FBXW11: variants seen among roughly 807,000 people sequenced by gnomAD.
FBXW11 encodes F-box/WD repeat-containing protein 11.
Under a neutral mutation model 77.6 loss-of-function variants are expected in FBXW11, and 19 were observed. The observed-to-expected ratio is 0.24, with a 90% confidence interval of 0.17 to 0.36. FBXW11 has a LOEUF of 0.36. Among genes scored for constraint, FBXW11 ranks in the 10% least tolerant of loss-of-function variants. The pLI is 1.00. For synonymous variants in FBXW11, 235 were observed against 249.4 expected, an observed-to-expected ratio of 0.94 and a Z score of 0.54; for missense variants, 334 against 704.2, an observed-to-expected ratio of 0.47 and a Z score of 5.95.
At chr5:171,932,155 G>A (rs985993514) in intron 2 of FBXW11, among the ~76,000 whole-genome samples, 68 of 152,012 alleles carry the variant, frequency 4.5e-4, no homozygotes, top group African/African-American at 1.6e-3. Flanking sequence ...GATTATAGGT[G>A]TGAGCCACCA....
Position 171,952,422 on chromosome 5 carries a change from C to CATATATATATATATAT in FBXW11, c.147+5159_147+5174dup, listed in dbSNP as rs1198809796. 6.2e-3 allele frequency among the ~76,000 whole-genome samples: 90 copies of CATATATATATATATAT among 14,598 alleles called. 9 individuals carry two copies. Among genetic ancestry groups the CATATATATATATATAT allele is most frequent in the East Asian group, 9.9e-3 (2 of 202 alleles). 9.6% of individuals were successfully genotyped at this position (14,598 alleles called of 152,430 possible). On this transcript the variant is annotated intron_variant, in intron 2 of 13. Coordinates refer to ENST00000517395, the MANE Select transcript of FBXW11 (RefSeq NM_001378974.1). ...TGTGTGTGTGTGTTGTGTGTACATA[C>CATATATATATATATAT]ATATATATATATATATATATATATA...
chr5:171,936,550 A>T (rs1011169151), intron 2 of FBXW11, among the ~76,000 whole-genome samples: 2 of 151,890 alleles, frequency 1.3e-5, no homozygotes, highest in Non-Finnish European at 2.9e-5. Flanking sequence ...TTATAATTAA[A>T]ACTAACAAAA....
In FBXW11 at chr5:172,006,548, C is replaced by T. The variant is rs775138414; in HGVS notation, c.-46G>A. On this transcript the variant is annotated 5_prime_UTR_variant, in exon 1 of 14. Coordinates refer to ENST00000517395, the MANE Select transcript of FBXW11 (RefSeq NM_001378974.1). The stretch of plus-strand genomic sequence containing the variant: ...CTCGCTCTCCCCGCGCAGCAGCGAA[C>T]GGCCCGGGCGGAGGAGGCGACGGCG... 4.8e-6 allele frequency: 7 copies of T among 1,470,374 alleles called. No individual in the cohort carries two copies. Among genetic ancestry groups the T allele is most frequent in the Non-Finnish European group, 6.3e-6 (7 of 1,107,904 alleles). 91.1% of individuals were successfully genotyped at this position (1,470,374 alleles called of 1,614,324 possible).
chr5:171,967,869 TATATATATATATATACACACACACAC>T (rs1271322210), intron 1 of FBXW11, among the ~76,000 whole-genome samples: 3 of 74,232 alleles, frequency 4.0e-5, no homozygotes, highest in East Asian at 3.7e-4. Context: ...TATATATATA[TATATATATATATATACACACACACAC>T]ACACACACAC....
At chr5:171,872,739 TA>T in intron 10 of FBXW11, 132 bp downstream of exon 10, 2 of 692,792 alleles carry the variant, frequency 2.9e-6, no homozygotes, top group Non-Finnish European at 5.1e-6. Context: ...AATACATTTC[TA>T]AAAGTTACCT....
At chr5:172,006,316 G>A (rs1397009160) in intron 1 of FBXW11, 142 bp downstream of exon 1, 4 of 652,796 alleles carry the variant, frequency 6.1e-6, no homozygotes, top group African/African-American at 1.9e-5. Flanking sequence ...CCAGGTCCGA[G>A]GCCAGGGAAG....
intron 8 of FBXW11, among the ~76,000 whole-genome samples, chr5:171,877,244 G>C (rs898709497): frequency 6.6e-6 from 1 of 152,092 alleles, no homozygotes; most frequent in African/African-American, 2.4e-5. Context: ...CTAGATAGTA[G>C]ATTTTGTATT....
At chr5:171,965,594 T>C (rs1395790151) in intron 1 of FBXW11, among the ~76,000 whole-genome samples, 1 of 151,966 alleles carries the variant, frequency 6.6e-6, no homozygotes, top group Non-Finnish European at 1.5e-5. Context: ...GGATCTTCAC[T>C]GTAATCTCTC....
intron 7 of FBXW11, among the ~76,000 whole-genome samples, chr5:171,882,340 A>C (rs1039040200): frequency 1.3e-5 from 2 of 152,138 alleles, no homozygotes; most frequent in African/African-American, 2.4e-5. Context: ...TCACACCGTC[A>C]CTCAGGCTGA....
At chr5:171,966,798 G>A (rs572597333) in intron 1 of FBXW11, among the ~76,000 whole-genome samples, 1 of 152,194 alleles carries the variant, frequency 6.6e-6, no homozygotes, top group Non-Finnish European at 1.5e-5. Context: ...CAATAAAAAT[G>A]TTAAATGACA....
At chr5:171,871,165 T>G (rs1757730519) in intron 10 of FBXW11, among the ~76,000 whole-genome samples, 1 of 152,222 alleles carries the variant, frequency 6.6e-6, no homozygotes, top group Non-Finnish European at 1.5e-5. Flanking sequence ...ACAAGAAACT[T>G]CAATTCTATT....
chr5:171,972,392 T>C (rs958898911), intron 1 of FBXW11, among the ~76,000 whole-genome samples: 10 of 147,236 alleles, frequency 6.8e-5, no homozygotes, highest in South Asian at 2.1e-4. Flanking sequence ...TCCCAGCTAC[T>C]AGGGAAGCTG....
At position 171,869,586 on chromosome 5, in the gene FBXW11, G is replaced by A. The variant is rs1181433742; in HGVS notation, c.1530+143C>T. On this transcript the variant is annotated intron_variant, in intron 12 of 13. Coordinates refer to ENST00000517395, the MANE Select transcript of FBXW11 (RefSeq NM_001378974.1). The surrounding 1 kb of genome is among the most constrained non-coding windows in gnomAD (Gnocchi z 4.1). Reference sequence around the variant, plus strand: ...TAAACATCAAATATTCTCTGGTTTTGGCTAAACAAAATGAAGACTGAAATT... The same window carrying A: ...TAAACATCAAATATTCTCTGGTTTTAGCTAAACAAAATGAAGACTGAAATT... The A allele has an allele frequency of 5.8e-6, 3 of 517,094 alleles. No homozygotes were observed. The African/African-American group carries it at 6.0e-5, about 10-fold the overall frequency. 32.0% of individuals were successfully genotyped at this position (517,094 alleles called of 1,614,324 possible). A position where few individuals can be genotyped will look rare whatever the true frequency, so the allele number is the denominator to read the frequency against.
At chr5:171,993,409 C>T (rs764353210) in intron 1 of FBXW11, among the ~76,000 whole-genome samples, 2 of 151,902 alleles carry the variant, frequency 1.3e-5, no homozygotes, top group Admixed American at 6.6e-5. Flanking sequence ...GTCAAGAGAT[C>T]GAGACCATCC....
At chr5:171,903,942 T>C (rs545776592) in intron 4 of FBXW11, among the ~76,000 whole-genome samples, 4 of 152,256 alleles carry the variant, frequency 2.6e-5, no homozygotes, top group Non-Finnish European at 1.5e-5. Context: ...TATAAACACA[T>C]CTCAAACTAA....
intron 4 of FBXW11, among the ~76,000 whole-genome samples, chr5:171,900,414 T>C (rs1760036436): frequency 6.6e-6 from 1 of 152,200 alleles, no homozygotes; most frequent in Non-Finnish European, 1.5e-5. Flanking sequence ...ACAGCACTCC[T>C]ATAGGGCAAT....
chr5:171,925,069 A>G (rs1049741700), intron 2 of FBXW11, among the ~76,000 whole-genome samples: 10 of 152,038 alleles, frequency 6.6e-5, no homozygotes, highest in Non-Finnish European at 1.5e-4. Flanking sequence ...GATACCTCCA[A>G]CAGCAAGCCC....
At chr5:171,948,625 T>G (rs1763146246) in intron 2 of FBXW11, among the ~76,000 whole-genome samples, 1 of 152,086 alleles carries the variant, frequency 6.6e-6, no homozygotes, top group African/African-American at 2.4e-5. Flanking sequence ...AAAGTTATTT[T>G]CATAAACAGA....
At chr5:171,988,638 A>G (rs1236293748) in intron 1 of FBXW11, among the ~76,000 whole-genome samples, 1 of 151,910 alleles carries the variant, frequency 6.6e-6, no homozygotes, top group African/African-American at 2.4e-5. Context: ...TGAGGTCAGG[A>G]GTTTGAGACC....
Sources: gnomAD v4.1 joint callset for allele counts (sites outside exome capture counted in the v4.1 genomes callset) on GRCh38, gnomAD v4.1.1 for gene constraint, Gnocchi (gnomAD v3.1) non-coding constraint, MANE v1.5 for transcripts, NCBI Gene and HGNC (gene_info 2026-07-23, HGNC 2026-07-21) for gene names.